The following MLYCD variants were observed in gnomAD, a reference collection of about 807,000 sequenced individuals.
MLYCD encodes malonyl-CoA decarboxylase, mitochondrial.
MLYCD carries 27 observed loss-of-function variants against 35.8 expected under a neutral mutation model. The observed-to-expected ratio is 0.75, with a 90% CI of 0.56 to 1.04. The LOEUF is 1.04. Among genes scored for constraint, MLYCD ranks in the 50% least tolerant of loss-of-function variants. MLYCD has a pLI of 0.00. For missense variants in MLYCD, 917 were observed against 665.1 expected (o/e 1.38, Z -4.17); for synonymous variants, 403 against 302.4 (o/e 1.33, Z -3.45).
rs1907818791 is a variant in MLYCD at position 83,926,720 on chromosome 16, G to T, written c.*11231G>T. 1 of 152,034 alleles carries T rather than the reference G, an allele frequency of 6.6e-6. No individual in the cohort carries two copies. The highest frequency in any genetic ancestry group is 1.5e-5 in the Non-Finnish European group (1 of 68,056). The allele number at this position is 152,034 out of a possible 1,614,324, so 9.4% of individuals were successfully genotyped here. A position where few individuals can be genotyped will look rare whatever the true frequency, so the allele number is the denominator to read the frequency against. On this transcript the variant is annotated 3_prime_UTR_variant, in exon 5 of 5. Transcript: ENST00000262430. ...TCTGGAGTCCTGCGCGGTACCTGCC[G>T]CATGGCAGGCTCTTTACGGACAGCG... is the stretch of plus-strand genomic sequence containing the variant.
intron 1 of MLYCD, among the ~76,000 whole-genome samples, chr16:83,903,567 A>T (rs1183585503): frequency 1.3e-5 from 2 of 152,204 alleles, no homozygotes; most frequent in African/African-American, 4.8e-5. Flanking sequence ...ATAGAGCTTC[A>T]AAAGAGAGGG....
chr16:83,922,577 C>G lies in MLYCD; in HGVS notation c.*7088C>G, dbSNP rs962647811. 6.6e-6 allele frequency: 1 copy of G among 152,502 alleles called. No individual in the cohort carries two copies. Among genetic ancestry groups the G allele is most frequent in the African/African-American group, 2.4e-5 (1 of 41,586 alleles). 9.4% of individuals were successfully genotyped at this position (152,502 alleles called of 1,614,324 possible). On this transcript the variant is annotated 3_prime_UTR_variant, in exon 5 of 5. Transcript: ENST00000262430. ...AGCTGGGTGGCCCAGGGCAAGCCAC[C>G]TACCCTTGCTTTGCCTCAGTTTCCT...
rs374608119 is a variant in MLYCD, at chr16:83,915,244, G to A, written c.1237G>A (p.Gly413Ser). ...GTACCTGTATGGAGAGAAGCACCGC[G>A]GCTACGCGCTGAACCCCGTGGCCAA... ...AWYLYGEKHR[G>S]YALNPVANFH... Residue 413 changes from glycine (G) to serine (S), a missense_variant, in exon 5 of 5, where the codon GGC becomes AGC. Physicochemically the swap from Gly to Ser is moderately conservative, Grantham distance 56. Transcript: ENST00000262430. The A allele has an allele frequency of 5.6e-6, 9 of 1,612,878 alleles. No individual in the cohort carries two copies. The highest frequency in any genetic ancestry group is 2.2e-5 in the East Asian group (1 of 44,882).
intron 1 of MLYCD, among the ~76,000 whole-genome samples, chr16:83,901,915 C>T (rs990819440): frequency 1.3e-5 from 2 of 152,050 alleles, no homozygotes; most frequent in South Asian, 2.1e-4. Context: ...TGAATAACGA[C>T]AGTCTGATCT....
intron 1 of MLYCD, among the ~76,000 whole-genome samples, chr16:83,902,148 T>TGTGTGC (rs1373172745): frequency 4.8e-4 from 58 of 120,394 alleles, no homozygotes; most frequent in African/African-American, 1.7e-3. Context: ...TGTGTGTGTG[T>TGTGTGC]GCGTGCGTAT....
chr16:83,902,307 A>G, intron 1 of MLYCD, among the ~76,000 whole-genome samples: 1 of 150,012 alleles, frequency 6.7e-6, no homozygotes. Context: ...CAAGCAAGCA[A>G]TCCTCCAATC....
chr16:83,912,121 G>T (rs902682280), intron 3 of MLYCD, 97 bp from the exon 4 acceptor site: 62 of 1,553,238 alleles, frequency 4.0e-5, no homozygotes, highest in Non-Finnish European at 5.2e-5. Flanking sequence ...AGCTCCTTCA[G>T]TGCTCTGAGA....
intron 1 of MLYCD, among the ~76,000 whole-genome samples, chr16:83,902,264 AC>A (rs1459775852): frequency 7.0e-6 from 1 of 143,034 alleles, no homozygotes; most frequent in African/African-American, 2.6e-5. Flanking sequence ...TTTTCTTGTT[AC>A]GTTTCCCAGG....
chr16:83,909,197 G>C (rs1907085263), intron 3 of MLYCD, among the ~76,000 whole-genome samples: 1 of 152,172 alleles, frequency 6.6e-6, no homozygotes. Context: ...TGAAAATTCA[G>C]AATGTGCATT....
chr16:83,909,969 A>G (rs190243536), intron 3 of MLYCD, among the ~76,000 whole-genome samples: 86 of 152,100 alleles, frequency 5.7e-4, no homozygotes, highest in African/African-American at 2.0e-3. Context: ...CCGAGGCTTG[A>G]GGGAACGTCC....
At chr16:83,908,936 C>G (rs778495889) in intron 3 of MLYCD, among the ~76,000 whole-genome samples, 9 of 152,194 alleles carry the variant, frequency 5.9e-5, no homozygotes, top group Non-Finnish European at 7.3e-5. Flanking sequence ...CAGGTTTGCT[C>G]AGACCAAGAG....
Position 83,918,545 on chromosome 16 carries a change from CAGG to C in MLYCD, c.*3059_*3061del, listed in dbSNP as rs1446114904. The stretch of plus-strand genomic sequence containing the variant: ...AGTGCACAGGAGAACACATGGTGCA[CAGG>C]AGAACACGCACACACGGTGCACAGA... On this transcript the variant is annotated 3_prime_UTR_variant, in exon 5 of 5. Coordinates refer to ENST00000262430, the MANE Select transcript of MLYCD (RefSeq NM_012213.3). 1 of 131,250 alleles carries C rather than the reference CAGG, an allele frequency of 7.6e-6. No homozygotes were observed. The highest frequency in any genetic ancestry group is 3.1e-5 in the African/African-American group (1 of 32,506). 8.1% of individuals were successfully genotyped at this position (131,250 alleles called of 1,614,324 possible). A position where few individuals can be genotyped will look rare whatever the true frequency, so the allele number is the denominator to read the frequency against.
At chr16:83,902,514 T>G (rs2151054763) in intron 1 of MLYCD, among the ~76,000 whole-genome samples, 1 of 149,620 alleles carries the variant, frequency 6.7e-6, no homozygotes, top group Non-Finnish European at 1.5e-5. Context: ...ATTTTTTTTT[T>G]TTTTTTTTTG....
chr16:83,905,623 A>T (rs1031958535), intron 1 of MLYCD, among the ~76,000 whole-genome samples: 5 of 152,204 alleles, frequency 3.3e-5, no homozygotes, highest in Admixed American at 3.3e-4. Flanking sequence ...TCCAGTCTGC[A>T]GTGGAAAGGA....
Position 83,915,063 on chromosome 16 carries a change from T to G in MLYCD, c.1056T>G (p.Asn352Lys). ...LNSQTKEHGR[N>K]ELFTDSECKE... Reference sequence around the variant, plus strand: ...CGCAAACGAAGGAGCATGGGAGGAATGAACTCTTTACAGATTCGGAATGTA... The same window carrying G: ...CGCAAACGAAGGAGCATGGGAGGAAGGAACTCTTTACAGATTCGGAATGTA... Residue 352 changes from asparagine (N) to lysine (K), a missense_variant, in exon 5 of 5, where the codon AAT becomes AAG. Physicochemically the swap from Asn to Lys is moderately conservative, Grantham distance 94 (BLOSUM62 0). Transcript: ENST00000262430. 1 of 1,614,280 alleles carries G rather than the reference T, an allele frequency of 6.2e-7. No individual in the cohort carries two copies.
intron 1 of MLYCD, among the ~76,000 whole-genome samples, chr16:83,903,829 C>T (rs938880144): frequency 6.6e-6 from 1 of 152,148 alleles, no homozygotes; most frequent in Non-Finnish European, 1.5e-5. Flanking sequence ...CTTAGCATCA[C>T]CAGGATATTC....
chr16:83,904,523 TC>T (rs1406478024), intron 1 of MLYCD, among the ~76,000 whole-genome samples: 1 of 152,202 alleles, frequency 6.6e-6, no homozygotes, highest in Non-Finnish European at 1.5e-5. Context: ...TCTTGCTACT[TC>T]CTAATCACGA....
Position 83,915,109 on chromosome 16 carries a change from GGTGGCCCCATTAAC to G in MLYCD, c.1104_1117del (p.Gly369AspfsTer105). The G allele has an allele frequency of 6.2e-7, 1 of 1,614,272 alleles. No individual in the cohort carries two copies. Among genetic ancestry groups the G allele is most frequent in the Non-Finnish European group, 8.5e-7 (1 of 1,180,054 alleles). On this transcript the variant is annotated frameshift_variant, in exon 5 of 5. Coordinates refer to ENST00000262430, the MANE Select transcript of MLYCD (RefSeq NM_012213.3). LOFTEE classifies it high-confidence loss of function. Reference sequence around the variant, plus strand: ...ATGTAAGGAAATCTCGGAGATCACAGGTGGCCCCATTAACGAGACCCTCAAGCTCCTCCTCAGCA... The same window carrying G: ...ATGTAAGGAAATCTCGGAGATCACAGGAGACCCTCAAGCTCCTCCTCAGCA...
chr16:83,910,682 C>G (rs1044845838), intron 3 of MLYCD, among the ~76,000 whole-genome samples: 1 of 143,238 alleles, frequency 7.0e-6, no homozygotes, highest in African/African-American at 2.7e-5. Flanking sequence ...CAGAGCAAGA[C>G]TCCATCTCAA....
Sources: gnomAD v4.1 joint callset for allele counts (sites outside exome capture counted in the v4.1 genomes callset) on GRCh38, gnomAD v4.1.1 for gene constraint, MANE v1.5 for transcripts, NCBI Gene and HGNC (gene_info 2026-07-23, HGNC 2026-07-21) for gene names.